ZNF521: variants seen among roughly 807,000 people sequenced by gnomAD.
ZNF521 encodes the protein zinc finger protein 521.
ZNF521 carries 14 observed loss-of-function variants against 105.5 expected under a neutral mutation model. The ratio of observed to expected loss-of-function variants is 0.13; its 90% CI spans 0.09 to 0.21. The LOEUF (loss-of-function observed/expected upper bound fraction) is 0.21, where lower values mean the gene tolerates loss of function less well. Among genes scored for constraint, ZNF521 ranks in the 10% least tolerant of loss-of-function variants. ZNF521 has a pLI of 1.00. For missense variants in ZNF521, 1,233 were observed against 1,629.7 expected, an observed-to-expected ratio of 0.76 and a Z score of 4.19; for synonymous variants, 635 against 606.0, an observed-to-expected ratio of 1.05 and a Z score of -0.70.
At chr18:25,126,074 C>T (rs1489462246) in intron 5 of ZNF521, among the ~76,000 whole-genome samples, 1 of 151,946 alleles carries the variant, frequency 6.6e-6, no homozygotes, top group South Asian at 2.1e-4. Context: ...GGATAGACTC[C>T]TCTAGGACAT....
chr18:25,230,888 G>A (rs1906486794), intron 3 of ZNF521, among the ~76,000 whole-genome samples: 1 of 152,154 alleles, frequency 6.6e-6, no homozygotes, highest in African/African-American at 2.4e-5. Flanking sequence ...CATGGTTAGT[G>A]CAGATGTTTT....
At chr18:25,183,230 T>C (rs1361679804) in intron 5 of ZNF521, among the ~76,000 whole-genome samples, 4 of 152,046 alleles carry the variant, frequency 2.6e-5, no homozygotes, top group Non-Finnish European at 5.9e-5. Context: ...TTTCCCCTCA[T>C]CTCTCTTTCT....
intron 2 of ZNF521, among the ~76,000 whole-genome samples, chr18:25,333,162 A>G (rs1913675528): frequency 6.6e-6 from 1 of 151,794 alleles, no homozygotes; most frequent in Non-Finnish European, 1.5e-5. Flanking sequence ...TTTCCAGATA[A>G]TCTCCAAATA....
intron 7 of ZNF521, among the ~76,000 whole-genome samples, chr18:25,082,326 A>G (rs1335804062): frequency 2.0e-5 from 3 of 152,214 alleles, no homozygotes; most frequent in Non-Finnish European, 4.4e-5. Context: ...GGATGTAAAG[A>G]GCAAAGGAAT....
chr18:25,196,873 T>C (rs1414097205), intron 4 of ZNF521, among the ~76,000 whole-genome samples: 2 of 151,862 alleles, frequency 1.3e-5, no homozygotes, highest in African/African-American at 4.8e-5. Context: ...GCATTATTCC[T>C]GATATGTGAC....
intron 5 of ZNF521, among the ~76,000 whole-genome samples, chr18:25,156,889 G>A (rs2035154831): frequency 6.6e-6 from 1 of 152,142 alleles, no homozygotes; most frequent in African/African-American, 2.4e-5. Context: ...GAGGCATGAA[G>A]GAGCTCTTGC....
intron 5 of ZNF521, among the ~76,000 whole-genome samples, chr18:25,096,423 C>T (rs1197554640): frequency 6.6e-6 from 1 of 152,156 alleles, no homozygotes; most frequent in Admixed American, 6.5e-5. Flanking sequence ...TATTAGTTAC[C>T]ATTTGGATGC....
intron 3 of ZNF521, among the ~76,000 whole-genome samples, chr18:25,295,586 T>C (rs1430411057): frequency 2.0e-5 from 3 of 149,098 alleles, no homozygotes; most frequent in Admixed American, 1.3e-4. Flanking sequence ...AACCCATAAA[T>C]ATATACACCT....
intron 5 of ZNF521, among the ~76,000 whole-genome samples, chr18:25,133,858 T>A (rs1362513380): frequency 6.6e-6 from 1 of 152,092 alleles, no homozygotes; most frequent in Non-Finnish European, 1.5e-5. Context: ...ATGTGTAGAC[T>A]TATTGATAAA....
At chr18:25,161,525 C>A (rs2035251441) in intron 5 of ZNF521, among the ~76,000 whole-genome samples, 1 of 152,092 alleles carries the variant, frequency 6.6e-6, no homozygotes, top group African/African-American at 2.4e-5. Context: ...TGGTGTGTTT[C>A]CTCAATTCTT....
At chr18:25,116,919 C>CACA in intron 5 of ZNF521, among the ~76,000 whole-genome samples, 1 of 136,806 alleles carries the variant, frequency 7.3e-6, no homozygotes, top group South Asian at 2.2e-4. Context: ...ATACGTATAT[C>CACA]TATGTATATA....
intron 3 of ZNF521, among the ~76,000 whole-genome samples, chr18:25,267,520 C>T (rs1909354080): frequency 6.6e-6 from 1 of 152,152 alleles, no homozygotes; most frequent in Non-Finnish European, 1.5e-5. Context: ...ACACCTCATA[C>T]AGGAGAGTTC....
chr18:25,135,989 A>G (rs1182393576), intron 5 of ZNF521, among the ~76,000 whole-genome samples: 1 of 152,196 alleles, frequency 6.6e-6, no homozygotes, highest in Non-Finnish European at 1.5e-5. Flanking sequence ...GATAAAATAC[A>G]TTATTGCTAC....
intron 5 of ZNF521, among the ~76,000 whole-genome samples, chr18:25,174,660 G>GT (rs1660200384): frequency 6.6e-6 from 1 of 152,150 alleles, no homozygotes; most frequent in Admixed American, 6.5e-5. Context: ...CATTACTGTA[G>GT]ATACAGTAAT....
intron 5 of ZNF521, among the ~76,000 whole-genome samples, chr18:25,157,464 T>A (rs1403201230): frequency 6.6e-6 from 1 of 152,208 alleles, no homozygotes; most frequent in Non-Finnish European, 1.5e-5. Flanking sequence ...ACTTTCTTAC[T>A]CACAGAATTT....
At chr18:25,246,737 C>A (rs1907751386) in intron 3 of ZNF521, among the ~76,000 whole-genome samples, 1 of 152,130 alleles carries the variant, frequency 6.6e-6, no homozygotes, top group African/African-American at 2.4e-5. Flanking sequence ...GCATTGATTT[C>A]CTTTCCCCAC....
intron 5 of ZNF521, among the ~76,000 whole-genome samples, chr18:25,119,883 A>T (rs1201390150): frequency 1.3e-5 from 2 of 152,152 alleles, no homozygotes; most frequent in Non-Finnish European, 2.9e-5. Flanking sequence ...TAAAATAAGA[A>T]AATTGATCAT....
chr18:25,188,205 G>C (rs1471267190), intron 5 of ZNF521, among the ~76,000 whole-genome samples: 1 of 152,168 alleles, frequency 6.6e-6, no homozygotes, highest in African/African-American at 2.4e-5. Flanking sequence ...GCCATCCTGA[G>C]AGCTGTGAGA....
intron 3 of ZNF521, among the ~76,000 whole-genome samples, chr18:25,257,235 A>C (rs1281067855): frequency 1.3e-5 from 2 of 152,080 alleles, no homozygotes; most frequent in Admixed American, 6.5e-5. Flanking sequence ...AAAAAGATCT[A>C]TTTTAGAAAA....
Sources: allele counts gnomAD v4.1 joint callset (sites outside exome capture counted in the v4.1 genomes callset), GRCh38; gene constraint gnomAD v4.1.1; transcripts MANE v1.5; gene names NCBI Gene and HGNC (gene_info 2026-07-23, HGNC 2026-07-21).